BCAS3: variants seen among roughly 807,000 people sequenced by gnomAD.
BCAS3 encodes the protein BCAS4/BCAS3 fusion.
Under a neutral mutation model 116.1 loss-of-function variants are expected in BCAS3, and 53 were observed. The observed-to-expected ratio is 0.46, with a 90% confidence interval of 0.37 to 0.57. The LOEUF (loss-of-function observed/expected upper bound fraction) is 0.57. Among genes scored for constraint, BCAS3 ranks in the 20% least tolerant of loss-of-function variants. The probability of loss-of-function intolerance (pLI) is 0.00; values close to 1 mark genes in which losing one functional copy is unlikely to be tolerated. For missense variants in BCAS3, 917 were observed against 1,165.4 expected, an observed-to-expected ratio of 0.79 and a Z score of 3.10; for synonymous variants, 391 against 408.2, an observed-to-expected ratio of 0.96 and a Z score of 0.51.
At chr17:61,338,263 A>T (rs894703026) in intron 22 of BCAS3, among the ~76,000 whole-genome samples, 1 of 152,210 alleles carries the variant, frequency 6.6e-6, no homozygotes, top group Admixed American at 6.5e-5. Context: ...TTACTTTAGG[A>T]GTAGAGATTA....
At chr17:61,297,885 G>A (rs921955092) in intron 22 of BCAS3, among the ~76,000 whole-genome samples, 26 of 151,670 alleles carry the variant, frequency 1.7e-4, no homozygotes, top group Admixed American at 6.6e-5. Flanking sequence ...AAGGGATGTC[G>A]TCCCCTAAAA....
Position 61,368,326 on chromosome 17 carries a change from G to A in BCAS3, c.2426-1G>A, listed in dbSNP as rs2058850664. 2 of 1,591,760 alleles carry A rather than the reference G, an allele frequency of 1.3e-6. No individual in the cohort carries two copies. Among genetic ancestry groups the A allele is most frequent in the Non-Finnish European group, 1.7e-6 (2 of 1,162,946 alleles). ...CGTCAGATGTCCCGTGTGTGCCACA[G>A]GTACCTTTGACAGGAGCGTGACCCT... On this transcript the variant is annotated splice_acceptor_variant, in intron 22 of 23. Transcript: ENST00000407086. LOFTEE classifies it high-confidence loss of function. The surrounding 1 kb of genome is among the most constrained non-coding windows in gnomAD (Gnocchi z 6.0).
At chr17:60,890,352 G>C (rs1254998793) in intron 10 of BCAS3, among the ~76,000 whole-genome samples, 2 of 152,178 alleles carry the variant, frequency 1.3e-5, no homozygotes, top group Non-Finnish European at 2.9e-5. Context: ...TACTCAGGAG[G>C]CTGAGGCAGG....
rs1177652495 is a variant in BCAS3, at chr17:61,261,542, A to G, written c.2426-106785A>G. On this transcript the variant is annotated intron_variant, in intron 22 of 23. Transcript: ENST00000407086. This position sits in a 1 kb window ranked among gnomAD's most constrained non-coding sequence, Gnocchi z 4.4. ...TCTTCTGTTATTACATTCATTAGAA[A>G]AAAGAGCTGTTTATTTCTTTTCCGC... 6.6e-6 allele frequency among the ~76,000 whole-genome samples: 1 copy of G among 152,224 alleles called. No homozygotes were observed. Among genetic ancestry groups the G allele is most frequent in the Non-Finnish European group, 1.5e-5 (1 of 68,040 alleles).
rs2058755035 is a variant in BCAS3, at chr17:61,366,754, T to A, written c.2426-1573T>A. Among the ~76,000 whole-genome samples, 1 of 152,214 alleles carries A rather than the reference T, an allele frequency of 6.6e-6. No individual in the cohort carries two copies. The highest frequency in any genetic ancestry group is 6.5e-5 in the Admixed American group (1 of 15,286). ...CTTCTTGGGGAGATGCCCTTATAGA[T>A]GCTGCCCATTCTCCCAGTGCCAGGA... On this transcript the variant is annotated intron_variant, in intron 22 of 23. Coordinates refer to ENST00000407086, the MANE Select transcript of BCAS3 (RefSeq NM_017679.5). This position sits in a 1 kb window ranked among gnomAD's most constrained non-coding sequence, Gnocchi z 4.5.
chr17:60,814,810 A>G (rs1399012787), intron 7 of BCAS3, among the ~76,000 whole-genome samples: 1 of 152,162 alleles, frequency 6.6e-6, no homozygotes, highest in African/African-American at 2.4e-5. Flanking sequence ...CATGATAGCA[A>G]TAATATAAGA....
Position 61,151,342 on chromosome 17 carries a change from A to T in BCAS3, c.2425+66778A>T, listed in dbSNP as rs966431220. ...GCACTCCTGGTCCCAAGCATTTCGG[A>T]TAGGGGATAATCAACCTATACCACT... On this transcript the variant is annotated intron_variant, in intron 22 of 23. Coordinates refer to ENST00000407086, the MANE Select transcript of BCAS3 (RefSeq NM_017679.5). This position sits in a 1 kb window ranked among gnomAD's most constrained non-coding sequence, Gnocchi z 4.8. 3.3e-5 allele frequency among the ~76,000 whole-genome samples: 5 copies of T among 152,088 alleles called. No homozygotes were observed. Among genetic ancestry groups the T allele is most frequent in the African/African-American group, 1.2e-4 (5 of 41,488 alleles).
At position 61,149,738 on chromosome 17, in the gene BCAS3, T is replaced by C. The variant is rs1386271520; in HGVS notation, c.2425+65174T>C. ...AAGGCTTTGAAAAGAGAGTGCACCCTGTTATGGCAAATGTCTGAGGCGTTT... is the reference window on the plus strand; with the variant it reads ...AAGGCTTTGAAAAGAGAGTGCACCCCGTTATGGCAAATGTCTGAGGCGTTT... On this transcript the variant is annotated intron_variant, in intron 22 of 23. Coordinates refer to ENST00000407086, the MANE Select transcript of BCAS3 (RefSeq NM_017679.5). Among the ~76,000 whole-genome samples, 3 of 152,208 alleles carry C rather than the reference T, an allele frequency of 2.0e-5. No individual in the cohort carries two copies. The South Asian group carries it at 6.2e-4, about 31-fold the overall frequency.
chr17:60,872,555 A>G (rs2055208604), intron 8 of BCAS3, among the ~76,000 whole-genome samples: 2 of 150,792 alleles, frequency 1.3e-5, no homozygotes, highest in Non-Finnish European at 3.0e-5. Flanking sequence ...ATGTATATAC[A>G]CACACCCCCA....
intron 22 of BCAS3, among the ~76,000 whole-genome samples, chr17:61,146,942 T>C (rs2077251409): frequency 6.6e-6 from 1 of 152,100 alleles, no homozygotes; most frequent in Non-Finnish European, 1.5e-5. Flanking sequence ...TAAGACAGGG[T>C]CTTGCTCTAT....
At chr17:60,913,611 T>G (rs1035839241) in intron 12 of BCAS3, among the ~76,000 whole-genome samples, 3 of 152,132 alleles carry the variant, frequency 2.0e-5, no homozygotes, top group Non-Finnish European at 4.4e-5. Context: ...TCCGCTGATG[T>G]TTAGCCTAAA....
rs1186797073 is a variant in BCAS3 at position 61,051,550 on chromosome 17, G to A, written c.2029+10658G>A. On this transcript the variant is annotated intron_variant, in intron 19 of 23. Coordinates refer to ENST00000407086, the MANE Select transcript of BCAS3 (RefSeq NM_017679.5). This position sits in a 1 kb window ranked among gnomAD's most constrained non-coding sequence, Gnocchi z 4.1. The stretch of plus-strand genomic sequence containing the variant: ...AGTGAAAGGTACACAGAGTATCACT[G>A]TACTATTTTGCAACTTTTTGTGAAT... Among the ~76,000 whole-genome samples, 6 of 152,180 alleles carry A rather than the reference G, an allele frequency of 3.9e-5. No individual in the cohort carries two copies. The highest frequency in any genetic ancestry group is 1.4e-4 in the African/African-American group (6 of 41,454).
Position 61,087,010 on chromosome 17 carries a change from C to T in BCAS3, c.2425+2446C>T, listed in dbSNP as rs917830584. On this transcript the variant is annotated intron_variant, in intron 22 of 23. Coordinates refer to ENST00000407086, the MANE Select transcript of BCAS3 (RefSeq NM_017679.5). The surrounding 1 kb of genome is among the most constrained non-coding windows in gnomAD (Gnocchi z 4.6). ...AAACAACATCTAGGCTAACAAAAAT[C>T]AAGGTAGCAAGTCTAACGAAATCGA... 2.0e-6 allele frequency: 2 copies of T among 985,080 alleles called. No individual in the cohort carries two copies. The highest frequency in any genetic ancestry group is 5.2e-4 in the Middle Eastern group (1 of 1,936). The allele number at this position is 985,080 out of a possible 1,614,324, so 61.0% of individuals were successfully genotyped here.
At chr17:60,854,253 A>G (rs1028987756) in intron 7 of BCAS3, among the ~76,000 whole-genome samples, 1 of 152,168 alleles carries the variant, frequency 6.6e-6, no homozygotes, top group Non-Finnish European at 1.5e-5. Context: ...GCTGCATAGT[A>G]TTCCATGGTG....
intron 22 of BCAS3, among the ~76,000 whole-genome samples, chr17:61,147,443 G>C (rs1251896547): frequency 6.6e-6 from 1 of 151,992 alleles, no homozygotes; most frequent in East Asian, 1.9e-4. Flanking sequence ...GGCTGGTCTT[G>C]AACTCCTGAG....
chr17:61,212,950 T>C (rs2081553791), intron 22 of BCAS3, among the ~76,000 whole-genome samples: 1 of 152,230 alleles, frequency 6.6e-6, no homozygotes, highest in Non-Finnish European at 1.5e-5. Flanking sequence ...GCTTATACTT[T>C]ATCCCTTATT....
chr17:60,764,641 G>A (rs1381530304), intron 6 of BCAS3, among the ~76,000 whole-genome samples: 1 of 152,176 alleles, frequency 6.6e-6, no homozygotes, highest in Non-Finnish European at 1.5e-5. Context: ...TGGAATAAGT[G>A]CGATGTGGTG....
chr17:60,933,328 C>G (rs2059759557), intron 13 of BCAS3, among the ~76,000 whole-genome samples: 1 of 152,212 alleles, frequency 6.6e-6, no homozygotes, highest in Admixed American at 6.5e-5. Context: ...ATAAGCCTGA[C>G]ATGAACCTTT....
chr17:60,871,179 T>G (rs1404150858), intron 8 of BCAS3, among the ~76,000 whole-genome samples: 1 of 152,138 alleles, frequency 6.6e-6, no homozygotes, highest in Non-Finnish European at 1.5e-5. Context: ...TTTTGGGAGT[T>G]GGGAGGACTG....
Sources: gnomAD v4.1 joint callset for allele counts (sites outside exome capture counted in the v4.1 genomes callset) on GRCh38, gnomAD v4.1.1 for gene constraint, Gnocchi (gnomAD v3.1) non-coding constraint, MANE v1.5 for transcripts, NCBI Gene and HGNC (gene_info 2026-07-23, HGNC 2026-07-21) for gene names.